Variants in PREP observed in about 807,000 individuals in gnomAD.
PREP encodes the protein dJ355L5.1 (prolyl endopeptidase).
Under a neutral mutation model 87.6 loss-of-function variants are expected in PREP, and 29 were observed. The observed-to-expected ratio is 0.33, with a 90% CI of 0.25 to 0.45. The LOEUF (loss-of-function observed/expected upper bound fraction) is 0.45, where lower values mean the gene tolerates loss of function less well. Ranked by LOEUF, PREP falls within the 20% of genes least tolerant of loss-of-function variation. The probability of loss-of-function intolerance (pLI) is 1.00; values close to 1 mark genes in which losing one functional copy is unlikely to be tolerated. For missense variants in PREP, 695 were observed against 886.5 expected (o/e 0.78, Z 2.74); for synonymous variants, 337 against 328.6 (o/e 1.03, Z -0.28).
chr6:105,278,045 G>A lies in PREP; in HGVS notation c.*99C>T, dbSNP rs1769983826. ...TGTAGCCTGTGAGTGCAGGAATAAT[G>A]TTCCCGTGGGGAAGCATTATGCCCA... On this transcript the variant is annotated 3_prime_UTR_variant, in exon 15 of 15. Coordinates refer to ENST00000652536, the MANE Select transcript of PREP (RefSeq NM_002726.5). The surrounding 1 kb of genome is among the most constrained non-coding windows in gnomAD (Gnocchi z 4.2). 2 of 1,428,624 alleles carry A rather than the reference G, an allele frequency of 1.4e-6. No homozygotes were observed. Among genetic ancestry groups the A allele is most frequent in the Admixed American group, 2.0e-5 (1 of 49,956 alleles). The allele number at this position is 1,428,624 out of a possible 1,614,324, so 88.5% of individuals were successfully genotyped here.
intron 4 of PREP, among the ~76,000 whole-genome samples, chr6:105,374,671 T>C (rs923292749): frequency 1.5e-5 from 1 of 66,924 alleles, no homozygotes; most frequent in South Asian, 4.6e-4. Flanking sequence ...TATATATATA[T>C]ATATATATAT....
At chr6:105,351,413 C>G (rs1000411931) in intron 7 of PREP, among the ~76,000 whole-genome samples, 1 of 151,252 alleles carries the variant, frequency 6.6e-6, no homozygotes, top group African/African-American at 2.4e-5. Context: ...TACTGTCTTC[C>G]TTTTGGAATC....
intron 2 of PREP, among the ~76,000 whole-genome samples, chr6:105,391,259 G>A (rs1032431985): frequency 3.3e-5 from 5 of 152,046 alleles, no homozygotes; most frequent in African/African-American, 1.2e-4. Context: ...GTGGGCGCCT[G>A]TAATTCCAGC....
intron 8 of PREP, among the ~76,000 whole-genome samples, chr6:105,331,322 A>C (rs1007069195): frequency 1.3e-5 from 2 of 152,142 alleles, no homozygotes; most frequent in African/African-American, 4.8e-5. Context: ...CCCCCCAACA[A>C]AATCTCCTAG....
intron 10 of PREP, among the ~76,000 whole-genome samples, chr6:105,294,292 G>T (rs975992213): frequency 1.3e-5 from 2 of 152,214 alleles, no homozygotes; most frequent in Admixed American, 6.5e-5. Context: ...TCTGTGGCAG[G>T]TGGATCTGGG....
chr6:105,290,502 C>T (rs1252183840), intron 10 of PREP, among the ~76,000 whole-genome samples: 1 of 152,154 alleles, frequency 6.6e-6, no homozygotes. Context: ...CTGAATTCTC[C>T]CCAGGCTGAC....
chr6:105,367,025 G>A (rs1772403885), intron 6 of PREP, among the ~76,000 whole-genome samples: 1 of 152,034 alleles, frequency 6.6e-6, no homozygotes, highest in African/African-American at 2.4e-5. Context: ...TGATGATAAC[G>A]GTTGTACAAC....
intron 10 of PREP, among the ~76,000 whole-genome samples, chr6:105,308,625 C>CTG (rs1770698203): frequency 1.3e-5 from 2 of 151,920 alleles, no homozygotes; most frequent in South Asian, 4.2e-4. Flanking sequence ...ATTACCCTAC[C>CTG]AGAGGAGAGG....
At chr6:105,377,758 C>T (rs1203526739) in intron 2 of PREP, among the ~76,000 whole-genome samples, 3 of 152,210 alleles carry the variant, frequency 2.0e-5, no homozygotes, top group Admixed American at 6.5e-5. Flanking sequence ...CTAATGCTTA[C>T]AGGGCAAGTA....
At chr6:105,391,557 C>T (rs1434569944) in intron 2 of PREP, among the ~76,000 whole-genome samples, 2 of 152,150 alleles carry the variant, frequency 1.3e-5, no homozygotes, top group Non-Finnish European at 2.9e-5. Context: ...GCCACTGGGC[C>T]ACCACTGATC....
intron 7 of PREP, among the ~76,000 whole-genome samples, chr6:105,352,216 T>G (rs986460316): frequency 1.3e-5 from 2 of 152,218 alleles, no homozygotes; most frequent in African/African-American, 4.8e-5. Context: ...GGTGCCAGTA[T>G]GTCTGATAGG....
At chr6:105,368,296 C>T (rs1369099578) in intron 6 of PREP, among the ~76,000 whole-genome samples, 1 of 152,148 alleles carries the variant, frequency 6.6e-6, no homozygotes, top group African/African-American at 2.4e-5. Flanking sequence ...AAATTTTACT[C>T]CAAGTACCCC....
chr6:105,333,185 C>T (rs1228747157), intron 8 of PREP, 129 bp downstream of exon 8: 1 of 835,686 alleles, frequency 1.2e-6, no homozygotes, highest in African/African-American at 1.7e-5. Context: ...TTAGACACTT[C>T]ATTCCTGATG....
At chr6:105,283,856 A>G (rs886457917) in intron 12 of PREP, among the ~76,000 whole-genome samples, 3 of 152,212 alleles carry the variant, frequency 2.0e-5, no homozygotes, top group Non-Finnish European at 4.4e-5. Flanking sequence ...ATAAAAAATG[A>G]GAGAGCAGAC....
chr6:105,337,867 A>T (rs60127716), intron 7 of PREP, among the ~76,000 whole-genome samples: 14,341 of 152,292 alleles, frequency 0.094, 1,051 homozygotes, highest in African/African-American at 0.2. Flanking sequence ...ACTTGAAAAA[A>T]GGTTCATAGA....
Position 105,273,791 on chromosome 6 carries a change from T to G in PREP, c.*4353A>C, listed in dbSNP as rs1352196339. 1.3e-5 allele frequency: 2 copies of G among 153,394 alleles called. No individual in the cohort carries two copies. The highest frequency in any genetic ancestry group is 2.9e-5 in the Non-Finnish European group (2 of 68,988). 9.5% of individuals were successfully genotyped at this position (153,394 alleles called of 1,614,324 possible). A position where few individuals can be genotyped will look rare whatever the true frequency, so the allele number is the denominator to read the frequency against. ...ATCCTCCAGGCCTCGCCTGGCTCCC[T>G]GTTCCCCCCACACTGGCTTCCTGCT... On this transcript the variant is annotated 3_prime_UTR_variant, in exon 15 of 15. Transcript: ENST00000652536.
chr6:105,314,495 T>C (rs1240942588), intron 10 of PREP, among the ~76,000 whole-genome samples: 3 of 152,224 alleles, frequency 2.0e-5, no homozygotes, highest in Non-Finnish European at 2.9e-5. Context: ...ATTTCAACAA[T>C]GTTCACAGCA....
chr6:105,355,220 G>C (rs779769519), intron 6 of PREP, among the ~76,000 whole-genome samples: 1 of 151,726 alleles, frequency 6.6e-6, no homozygotes, highest in African/African-American at 2.4e-5. Flanking sequence ...CGAGTAGCTG[G>C]GATTACAGAT....
chr6:105,311,425 G>C (rs562473070), intron 10 of PREP, among the ~76,000 whole-genome samples: 2 of 151,954 alleles, frequency 1.3e-5, no homozygotes, highest in East Asian at 3.9e-4. Flanking sequence ...TTGCTTTAAC[G>C]TTCTGGGCCG....
Sources: gnomAD v4.1 joint callset for allele counts (sites outside exome capture counted in the v4.1 genomes callset) on GRCh38, gnomAD v4.1.1 for gene constraint, Gnocchi (gnomAD v3.1) non-coding constraint, MANE v1.5 for transcripts, NCBI Gene and HGNC (gene_info 2026-07-23, HGNC 2026-07-21) for gene names.